NCOA1: variants seen among roughly 807,000 people sequenced by gnomAD.
The protein encoded by NCOA1 is nuclear receptor coactivator 1, also known as Hin-2 protein.
In NCOA1, 35 loss-of-function variants were observed where a neutral mutation model predicts 150.9. The ratio of observed to expected loss-of-function variants is 0.23; its 90% CI spans 0.18 to 0.31. The LOEUF is 0.31. Among genes scored for constraint, NCOA1 ranks in the 10% least tolerant of loss-of-function variants. The pLI is 1.00. For missense variants in NCOA1, 1,491 were observed against 1,749.3 expected (o/e 0.85, Z 2.63); for synonymous variants, 590 against 630.0 (o/e 0.94, Z 0.95).
At chr2:24,750,534 C>T (rs1381081501) in intron 19 of NCOA1, among the ~76,000 whole-genome samples, 1 of 152,148 alleles carries the variant, frequency 6.6e-6, no homozygotes, top group Non-Finnish European at 1.5e-5. Context: ...TCCAAAGTGG[C>T]TGAACCTCAA....
At chr2:24,546,611 G>A (rs1463160366) in intron 1 of NCOA1, among the ~76,000 whole-genome samples, 1 of 152,142 alleles carries the variant, frequency 6.6e-6, no homozygotes, top group African/African-American at 2.4e-5. Context: ...TTGACACTTG[G>A]TGTTTGTAAT....
At chr2:24,637,208 A>G (rs1054282619) in intron 3 of NCOA1, among the ~76,000 whole-genome samples, 23 of 144,090 alleles carry the variant, frequency 1.6e-4, no homozygotes, top group Non-Finnish European at 3.0e-4. Context: ...CATTAGGTAT[A>G]TCTCCTAATG....
chr2:24,500,874 G>A (rs1663431157), intron 1 of NCOA1, among the ~76,000 whole-genome samples: 1 of 152,180 alleles, frequency 6.6e-6, no homozygotes, highest in Non-Finnish European at 1.5e-5. Context: ...TAATGCTGTA[G>A]GGAAAGGATA....
chr2:24,576,153 T>TG lies in NCOA1; in HGVS notation c.-259-8323_-259-8322insG, dbSNP rs1401782866. Among the ~76,000 whole-genome samples the TG allele has an allele frequency of 5.2e-5, 5 of 96,222 alleles. 1 individual carries two copies. Among genetic ancestry groups the TG allele is most frequent in the African/African-American group, 2.0e-4 (5 of 24,828 alleles). 63.1% of individuals were successfully genotyped at this position (96,222 alleles called of 152,430 possible). On this transcript the variant is annotated intron_variant, in intron 2 of 22. Transcript: ENST00000348332. ...TTCAGAAATTATTTGGCCTTTGTTTTTTTTTTTTTGTTTTTTGTTTTTTTT... is the reference window on the plus strand; with the variant it reads ...TTCAGAAATTATTTGGCCTTTGTTTTGTTTTTTTTTGTTTTTTGTTTTTTTT...
At chr2:24,631,000 A>G (rs925461231) in intron 3 of NCOA1, among the ~76,000 whole-genome samples, 11 of 152,120 alleles carry the variant, frequency 7.2e-5, no homozygotes, top group African/African-American at 2.7e-4. Context: ...TTTCATCTTC[A>G]GTTTGGAAAG....
intron 6 of NCOA1, among the ~76,000 whole-genome samples, chr2:24,672,795 TATTATTTAAATATGATTC>T (rs1260179695): frequency 6.6e-6 from 1 of 152,206 alleles, no homozygotes; most frequent in Non-Finnish European, 1.5e-5. Context: ...CAGAAACTTT[TATTATTTAAATATGATTC>T]TGCTTTAAGA....
In NCOA1 at chr2:24,770,091, G is replaced by T. The variant is rs1378860681; in HGVS notation, c.*1700G>T. 2 of 229,878 alleles carry T rather than the reference G, an allele frequency of 8.7e-6. No individual in the cohort carries two copies. The highest frequency in any genetic ancestry group is 2.2e-5 in the African/African-American group (1 of 45,138). 14.2% of individuals were successfully genotyped at this position (229,878 alleles called of 1,614,324 possible). Reference sequence around the variant, plus strand: ...GCCGAATAAAAAGATTGGTGGAAGGGCTCATGTGGTTAGCAACTATGAAAC... The same window carrying T: ...GCCGAATAAAAAGATTGGTGGAAGGTCTCATGTGGTTAGCAACTATGAAAC... On this transcript the variant is annotated 3_prime_UTR_variant, in exon 23 of 23. Coordinates refer to ENST00000348332, the MANE Select transcript of NCOA1 (RefSeq NM_003743.5).
chr2:24,548,124 A>G (rs991599557), intron 1 of NCOA1, among the ~76,000 whole-genome samples: 1 of 152,178 alleles, frequency 6.6e-6, no homozygotes, highest in Non-Finnish European at 1.5e-5. Context: ...GCTGATAAAG[A>G]CACACCTAAG....
intron 3 of NCOA1, among the ~76,000 whole-genome samples, chr2:24,625,288 C>T (rs995375004): frequency 6.7e-6 from 1 of 148,636 alleles, no homozygotes; most frequent in Non-Finnish European, 1.5e-5. Flanking sequence ...ATTGCTTGAA[C>T]CCAGGAGGTG....
chr2:24,646,280 C>G (rs1670470362), intron 4 of NCOA1, among the ~76,000 whole-genome samples: 1 of 152,004 alleles, frequency 6.6e-6, no homozygotes, highest in Non-Finnish European at 1.5e-5. Flanking sequence ...TTTCCTTTTC[C>G]CCTTCCCCCT....
intron 1 of NCOA1, among the ~76,000 whole-genome samples, chr2:24,511,133 G>A (rs1373474341): frequency 6.6e-6 from 1 of 152,116 alleles, no homozygotes; most frequent in African/African-American, 2.4e-5. Context: ...TTCACTTAGT[G>A]TAATGTTTTT....
intron 1 of NCOA1, among the ~76,000 whole-genome samples, chr2:24,537,781 A>G (rs2148185595): frequency 6.6e-6 from 1 of 152,270 alleles, no homozygotes; most frequent in South Asian, 2.1e-4. Context: ...TATCTGCTTC[A>G]CTGTAGCAAT....
At chr2:24,538,154 A>T (rs1665244241) in intron 1 of NCOA1, among the ~76,000 whole-genome samples, 1 of 152,168 alleles carries the variant, frequency 6.6e-6, no homozygotes, top group South Asian at 2.1e-4. Flanking sequence ...ATATATGTGT[A>T]TGTTATTTGG....
At chr2:24,582,842 A>G (rs994823032) in intron 2 of NCOA1, among the ~76,000 whole-genome samples, 12 of 152,196 alleles carry the variant, frequency 7.9e-5, no homozygotes, top group African/African-American at 2.4e-4. Context: ...CACCAAGAAC[A>G]TACATTCGGG....
intron 1 of NCOA1, among the ~76,000 whole-genome samples, chr2:24,501,102 T>C (rs983104757): frequency 2.0e-5 from 3 of 152,214 alleles, no homozygotes; most frequent in Non-Finnish European, 4.4e-5. Context: ...TAAGAACAAC[T>C]GATTGCCATC....
At chr2:24,538,146 A>T (rs1010616273) in intron 1 of NCOA1, among the ~76,000 whole-genome samples, 1 of 152,172 alleles carries the variant, frequency 6.6e-6, no homozygotes, top group African/African-American at 2.4e-5. Flanking sequence ...CAAGTGTTAT[A>T]TATGTGTATG....
chr2:24,762,905 T>C (rs1664857449), intron 22 of NCOA1, 129 bp downstream of exon 22: 2 of 778,300 alleles, frequency 2.6e-6, no homozygotes, highest in Admixed American at 4.6e-5. Flanking sequence ...CTGCTCTTCT[T>C]AGCTGTGTCG....
chr2:24,576,284 T>C (rs943881741), intron 2 of NCOA1, among the ~76,000 whole-genome samples: 1 of 151,368 alleles, frequency 6.6e-6, no homozygotes, highest in Admixed American at 6.6e-5. Flanking sequence ...CCTTTGCATG[T>C]CTCCAAGGCA....
intron 2 of NCOA1, among the ~76,000 whole-genome samples, chr2:24,580,942 C>G (rs377640494): frequency 6.6e-6 from 1 of 152,284 alleles, no homozygotes; most frequent in Non-Finnish European, 1.5e-5. Flanking sequence ...TCTGGCCCTG[C>G]CCCCGCATGA....
Sources: allele counts gnomAD v4.1 joint callset (sites outside exome capture counted in the v4.1 genomes callset), GRCh38; gene constraint gnomAD v4.1.1; transcripts MANE v1.5; gene names NCBI Gene and HGNC (gene_info 2026-07-23, HGNC 2026-07-21).